HIPK4: variants seen among roughly 807,000 people sequenced by gnomAD.
HIPK4 encodes homeodomain interacting protein kinase 4.
A neutral mutation model predicts 44.8 loss-of-function variants in HIPK4; 26 were observed. The ratio of observed to expected loss-of-function variants is 0.58; its 90% CI spans 0.43 to 0.80. HIPK4 has a LOEUF of 0.80. HIPK4 is among the 30% of genes least tolerant of loss of function. The pLI, the probability that HIPK4 is intolerant of heterozygous loss-of-function variation, is 0.00. For missense variants in HIPK4, 729 were observed against 862.6 expected (o/e 0.85, Z 1.94); for synonymous variants, 340 against 355.5 (o/e 0.96, Z 0.49).
chr19:40,379,706 A>G lies in HIPK4; in HGVS notation c.1732T>C (p.Cys578Arg), dbSNP rs2079320526. ...CPGEWLSEPD[C>R]TLESVRGPRA... ...GGGCCCCTGACGCTCTCCAGGGTGC[A>G]GTCTGGCTCACTCAGCCATTCTCCA... The change falls in exon 4 of 4, where the codon TGC (cysteine) becomes CGC (arginine). Residue 578 changes from cysteine to arginine, a missense_variant. By Grantham distance (180) the Cys-to-Arg change is radical. Around this residue, in one of 2 missense-constraint regions of HIPK4, gnomAD observed 533 missense variants for 567.5 expected, o/e 0.94. Transcript: ENST00000291823. The G allele has an allele frequency of 6.2e-7, 1 of 1,608,454 alleles. No homozygotes were observed. The highest frequency in any genetic ancestry group is 1.7e-5 in the Admixed American group (1 of 59,532).
rs1476117542 is a variant in HIPK4 at position 40,389,702 on chromosome 19, A to C, written c.201T>G (p.Pro67=). The part of the protein sequence containing the change: ...KLLHCMRGLD[P]EEAHVIRFLE... ...GGAAGCGGATGACGTGGGCCTCTTC[A>C]GGGTCTAGGCCTCGCATGCAGTGCA... is the stretch of plus-strand genomic sequence containing the variant. Residue 67 remains proline, a synonymous_variant, in exon 1 of 4, where the codon CCT becomes CCG. Transcript: ENST00000291823. This position sits in a 1 kb window ranked among gnomAD's most constrained non-coding sequence, Gnocchi z 4.6. The C allele has an allele frequency of 1.2e-6, 2 of 1,614,040 alleles. No homozygotes were observed. The highest frequency in any genetic ancestry group is 4.5e-5 in the East Asian group (2 of 44,900).
rs561547550 is a variant in HIPK4 at position 40,382,283 on chromosome 19, A to T, written c.823-1115T>A. Among the ~76,000 whole-genome samples the T allele has an allele frequency of 3.9e-3, 592 of 151,996 alleles. 4 individuals are homozygous for T. The highest frequency in any genetic ancestry group is 0.011 in the South Asian group (54 of 4,820). ...CATGCCTGGCTAAATTTTAAAAAAA[A>T]TTTTTTCTAGAGACACGGTCTTGCT... is the stretch of plus-strand genomic sequence containing the variant. On this transcript the variant is annotated intron_variant, in intron 2 of 3. Coordinates refer to ENST00000291823, the MANE Select transcript of HIPK4 (RefSeq NM_144685.5).
chr19:40,379,691 C>G lies in HIPK4; in HGVS notation c.1747G>C (p.Val583Leu). The G allele has an allele frequency of 1.3e-6, 2 of 1,596,678 alleles. No individual in the cohort carries two copies. Among genetic ancestry groups the G allele is most frequent in the Non-Finnish European group, 1.7e-6 (2 of 1,173,498 alleles). The change falls in exon 4 of 4, where the codon GTC (valine) becomes CTC (leucine). Residue 583 changes from valine (V) to leucine (L), a missense_variant. By Grantham distance (32) the Val-to-Leu change is conservative. This residue lies in a region of HIPK4 where 533 missense variants were observed against 567.5 expected (regional missense o/e 0.94). Coordinates refer to ENST00000291823, the MANE Select transcript of HIPK4 (RefSeq NM_144685.5). ...AGCCCCTGAGCCCGTGGGCCCCTGA[C>G]GCTCTCCAGGGTGCAGTCTGGCTCA... ...LSEPDCTLES[V>L]RGPRAQGLPP...
At chr19:40,388,211 T>G (rs1015108651) in intron 1 of HIPK4, among the ~76,000 whole-genome samples, 9 of 151,878 alleles carry the variant, frequency 5.9e-5, no homozygotes, top group African/African-American at 1.7e-4. Context: ...AGAGACGAGG[T>G]TTCACCATAT....
Position 40,381,176 on chromosome 19 carries a change from G to A in HIPK4, c.823-8C>T, listed in dbSNP as rs946623649. 1 of 1,587,760 alleles carries A rather than the reference G, an allele frequency of 6.3e-7. No homozygotes were observed. The highest frequency in any genetic ancestry group is 1.3e-5 in the African/African-American group (1 of 74,722). On this transcript the variant is annotated splice_region_variant and splice_polypyrimidine_tract_variant and intron_variant, in intron 2 of 3. Transcript: ENST00000291823. ...GCGCTCCAATGGGCGCACCTGGCGG[G>A]GCATGGAGAAGGGGGCAGGGTTGAC...
At position 40,389,882 on chromosome 19, in the gene HIPK4, C is replaced by T. The variant is rs56183403; in HGVS notation, c.21G>A (p.Glu7=). The change falls in exon 1 of 4, where the codon GAG becomes GAA. Residue 7 remains glutamate, a synonymous_variant. Coordinates refer to ENST00000291823, the MANE Select transcript of HIPK4 (RefSeq NM_144685.5). This position sits in a 1 kb window ranked among gnomAD's most constrained non-coding sequence, Gnocchi z 4.6. The part of the protein sequence containing the change: MSTIQS[E]TDCYDIIEVL... ...CCTCGATGATGTCGTAGCAGTCAGT[C>T]TCCGACTGGATGGTGGACATGGTGC... 766 of 1,609,294 alleles carry T rather than the reference C, an allele frequency of 4.8e-4. 2 individuals are homozygous for T. Among genetic ancestry groups the T allele is most frequent in the Non-Finnish European group, 6.0e-4 (709 of 1,179,782 alleles).
In HIPK4 at chr19:40,384,106, C is replaced by A. The variant is rs780526664; in HGVS notation, c.499G>T (p.Glu167Ter). ...IDFGSASIFS[E>*]VRYVKEPYIQ... is the part of the protein sequence containing the mutation. ...TATGGCTCCTTCACGTAGCGCACCT[C>A]GCTGAAAATGCTGGCGGATCCGAAG... Residue 167 changes from glutamate to a stop codon, truncating the protein, a stop_gained, in exon 2 of 4, where the codon GAG becomes TAG. Coordinates refer to ENST00000291823, the MANE Select transcript of HIPK4 (RefSeq NM_144685.5). LOFTEE classifies it high-confidence loss of function. 2 of 1,594,184 alleles carry A rather than the reference C, an allele frequency of 1.3e-6. No individual in the cohort carries two copies. The highest frequency in any genetic ancestry group is 8.6e-7 in the Non-Finnish European group (1 of 1,165,790).
intron 1 of HIPK4, among the ~76,000 whole-genome samples, chr19:40,388,392 G>A (rs2079372907): frequency 6.6e-6 from 1 of 152,206 alleles, no homozygotes; most frequent in African/African-American, 2.4e-5. Context: ...CAGAGTGCCA[G>A]GGCTTCAGTA....
chr19:40,380,985 T>C lies in HIPK4; in HGVS notation c.1006A>G (p.Ile336Val). ...RMLTWESHER[I>V]SPSAALRHPF... is the part of the protein sequence containing the mutation. ...TGGCGCAGGGCAGCACTGGGGCTGATGCGTTCGTGTGACTCCCAGGTCAGC... is the reference window on the plus strand; with the variant it reads ...TGGCGCAGGGCAGCACTGGGGCTGACGCGTTCGTGTGACTCCCAGGTCAGC... Residue 336 changes from isoleucine (I) to valine (V), a missense_variant, in exon 3 of 4, where the codon ATC (isoleucine) becomes GTC (valine). Ile to Val is a conservative substitution (Grantham distance 29). This residue lies in a region of HIPK4 where 533 missense variants were observed against 567.5 expected (regional missense o/e 0.94). Transcript: ENST00000291823. The surrounding 1 kb of genome is among the most constrained non-coding windows in gnomAD (Gnocchi z 4.2). 1.9e-6 allele frequency: 3 copies of C among 1,613,172 alleles called. No homozygotes were observed. The highest frequency in any genetic ancestry group is 1.7e-6 in the Non-Finnish European group (2 of 1,180,020).
In HIPK4 at chr19:40,380,917, G is replaced by A; in HGVS notation, c.1074C>T (p.Thr358=). 1 of 1,602,438 alleles carries A rather than the reference G, an allele frequency of 6.2e-7. No homozygotes were observed. Among genetic ancestry groups the A allele is most frequent in the Non-Finnish European group, 8.5e-7 (1 of 1,170,950 alleles). The change falls in exon 3 of 4, where the codon ACC becomes ACT. Residue 358 remains threonine (T), a synonymous_variant. Coordinates refer to ENST00000291823, the MANE Select transcript of HIPK4 (RefSeq NM_144685.5). The surrounding 1 kb of genome is among the most constrained non-coding windows in gnomAD (Gnocchi z 4.2). ...GCAGCGAGAGCTGGTAGTAGTGGGT[G>A]GTCTCGTGGGCACTGCGCAGCTGCT... The part of the protein sequence containing the change: ...SMQQLRSAHE[T]THYYQLSLRS...
At position 40,379,426 on chromosome 19, in the gene HIPK4, C is replaced by T. The variant is rs999148102; in HGVS notation, c.*161G>A. Reference sequence around the variant, plus strand: ...TGTGTTTAGGAGAGGTGTGCAGGCACGCACCGCACCGCAGACGGGGAATGA... The same window carrying T: ...TGTGTTTAGGAGAGGTGTGCAGGCATGCACCGCACCGCAGACGGGGAATGA... On this transcript the variant is annotated 3_prime_UTR_variant, in exon 4 of 4. Coordinates refer to ENST00000291823, the MANE Select transcript of HIPK4 (RefSeq NM_144685.5). 24 of 648,542 alleles carry T rather than the reference C, an allele frequency of 3.7e-5. No homozygotes were observed. Among genetic ancestry groups the T allele is most frequent in the South Asian group, 1.3e-4 (6 of 47,594 alleles). The allele number at this position is 648,542 out of a possible 1,614,324, so 40.2% of individuals were successfully genotyped here.
chr19:40,380,875 C>G lies in HIPK4; in HGVS notation c.1116G>C (p.Ser372=), dbSNP rs148513270. The G allele has an allele frequency of 1.2e-6, 2 of 1,607,748 alleles. No homozygotes were observed. Among genetic ancestry groups the G allele is most frequent in the South Asian group, 1.1e-5 (1 of 90,980 alleles). Residue 372 remains serine (S), a synonymous_variant, in exon 3 of 4, where the codon TCG becomes TCC. Transcript: ENST00000291823. The surrounding 1 kb of genome is among the most constrained non-coding windows in gnomAD (Gnocchi z 4.2). ...TGGGGGGCTTCCCCTCCACTTGCAGCGAGAGGCGGTAGCTGCGCAGCGAGA... is the reference window on the plus strand; with the variant it reads ...TGGGGGGCTTCCCCTCCACTTGCAGGGAGAGGCGGTAGCTGCGCAGCGAGA... ...YQLSLRSYRL[S]LQVEGKPPTP...
intron 2 of HIPK4, among the ~76,000 whole-genome samples, chr19:40,381,894 C>T (rs1185645405): frequency 6.6e-6 from 1 of 150,838 alleles, no homozygotes; most frequent in Admixed American, 6.6e-5. Context: ...CAACCTCCAC[C>T]TCCCAGGTTC....
chr19:40,386,009 C>T (rs1030609879), intron 1 of HIPK4, among the ~76,000 whole-genome samples: 6 of 151,024 alleles, frequency 4.0e-5, no homozygotes, highest in Non-Finnish European at 7.4e-5. Context: ...CCAGGTCCAC[C>T]ATTGCTCTTA....
Position 40,384,071 on chromosome 19 carries a change from C to T in HIPK4, c.534G>A (p.Ser178=), listed in dbSNP as rs1301679624. Residue 178 remains serine (S), a synonymous_variant, in exon 2 of 4, where the codon TCG becomes TCA. Coordinates refer to ENST00000291823, the MANE Select transcript of HIPK4 (RefSeq NM_144685.5). ...GGATCTCAGGGGCCCGGTAGAAGCG[C>T]GACTGGATGTATGGCTCCTTCACGT... The part of the protein sequence containing the change: ...VRYVKEPYIQ[S]RFYRAPEILL... The T allele has an allele frequency of 5.0e-6, 8 of 1,612,602 alleles. No homozygotes were observed. Among genetic ancestry groups the T allele is most frequent in the African/African-American group, 1.3e-5 (1 of 74,862 alleles).
chr19:40,384,183 A>T (rs766759971), intron 1 of HIPK4, 44 bp from the exon 2 acceptor site: 1 of 1,495,524 alleles, frequency 6.7e-7, no homozygotes, highest in Non-Finnish European at 9.1e-7. Context: ...GTCAAGCAGC[A>T]GGGACAGCCG....
intron 1 of HIPK4, among the ~76,000 whole-genome samples, chr19:40,388,027 T>C (rs1301982562): frequency 1.3e-5 from 2 of 149,276 alleles, no homozygotes; most frequent in African/African-American, 5.0e-5. Flanking sequence ...TTTTTTTTTT[T>C]TTTCTGAGAC....
At chr19:40,382,538 C>T (rs1389997327) in intron 2 of HIPK4, among the ~76,000 whole-genome samples, 1 of 152,098 alleles carries the variant, frequency 6.6e-6, no homozygotes, top group Non-Finnish European at 1.5e-5. Flanking sequence ...TAGTATGACC[C>T]AGATCTCTCT....
intron 1 of HIPK4, among the ~76,000 whole-genome samples, chr19:40,384,968 G>A (rs946560160): frequency 1.3e-5 from 2 of 152,024 alleles, no homozygotes; most frequent in African/African-American, 2.4e-5. Flanking sequence ...TGTCTGGTTC[G>A]AGTGACTGAC....
Sources: gnomAD v4.1 joint callset for allele counts (sites outside exome capture counted in the v4.1 genomes callset) on GRCh38, gnomAD v4.1.1 for gene constraint, gnomAD v4.1.1 regional missense constraint, Gnocchi (gnomAD v3.1) non-coding constraint, MANE v1.5 for transcripts, NCBI Gene and HGNC (gene_info 2026-07-23, HGNC 2026-07-21) for gene names.